The following BCKDHA variants were observed in gnomAD, a reference collection of about 807,000 sequenced individuals.
The protein encoded by BCKDHA is 2-oxoisovalerate dehydrogenase subunit alpha, mitochondrial.
In BCKDHA, 43 loss-of-function variants were observed where a neutral mutation model predicts 52.2. The ratio of observed to expected loss-of-function variants is 0.82; its 90% CI spans 0.64 to 1.06. The LOEUF (loss-of-function observed/expected upper bound fraction) is 1.06. Among genes scored for constraint, BCKDHA ranks in the 50% least tolerant of loss-of-function variants. BCKDHA has a pLI of 0.00. For missense variants in BCKDHA, 527 were observed against 621.3 expected (o/e 0.85, Z 1.61); for synonymous variants, 234 against 247.9 (o/e 0.94, Z 0.53).
intron 4 of BCKDHA, among the ~76,000 whole-genome samples, chr19:41,414,963 G>T (rs1209308110): frequency 6.6e-6 from 1 of 152,136 alleles, no homozygotes; most frequent in East Asian, 1.9e-4. Flanking sequence ...CAAGACAGCT[G>T]TTGAGGGCAG....
chr19:41,414,275 C>T (rs1372526236), intron 4 of BCKDHA, 118 bp downstream of exon 4: 1 of 1,036,790 alleles, frequency 9.6e-7, no homozygotes, highest in East Asian at 2.6e-5. Flanking sequence ...GGAAGAAGAG[C>T]TTTCCAAGCA....
chr19:41,417,872 C>T (rs2039322009), intron 4 of BCKDHA, among the ~76,000 whole-genome samples: 1 of 151,582 alleles, frequency 6.6e-6, no homozygotes, highest in African/African-American at 2.4e-5. Flanking sequence ...TTGCAGTGAG[C>T]CAAGATTGCG....
chr19:41,403,830 A>G (rs1035493541), intron 1 of BCKDHA, among the ~76,000 whole-genome samples: 22 of 152,258 alleles, frequency 1.4e-4, no homozygotes, highest in African/African-American at 5.1e-4. Flanking sequence ...GGAAAGAGAC[A>G]GAACCAGATT....
chr19:41,401,441 A>G (rs987356129), intron 1 of BCKDHA, among the ~76,000 whole-genome samples: 1 of 152,140 alleles, frequency 6.6e-6, no homozygotes, highest in Non-Finnish European at 1.5e-5. Flanking sequence ...GAGGCTGCAT[A>G]TTGTAGACAG....
intron 3 of BCKDHA, among the ~76,000 whole-genome samples, chr19:41,413,421 G>A (rs964994266): frequency 2.0e-4 from 30 of 152,028 alleles, no homozygotes; most frequent in African/African-American, 7.0e-4. Context: ...TAGCACAGCC[G>A]ACTCAGCTTC....
chr19:41,412,171 G>C (rs1464231803), intron 3 of BCKDHA, among the ~76,000 whole-genome samples: 1 of 151,378 alleles, frequency 6.6e-6, no homozygotes, highest in Non-Finnish European at 1.5e-5. Flanking sequence ...TTCTCGCCCT[G>C]GATGTCCCAC....
intron 3 of BCKDHA, 30 bp from the exon 4 acceptor site, chr19:41,414,019 G>A: frequency 6.3e-7 from 1 of 1,579,326 alleles, no homozygotes; most frequent in Non-Finnish European, 8.7e-7. Flanking sequence ...ATAACCAATT[G>A]TGGGACCCCG....
chr19:41,422,952 A>G, intron 7 of BCKDHA, 46 bp from the exon 8 acceptor site: 1 of 1,524,706 alleles, frequency 6.6e-7, no homozygotes. Context: ...CCTGACCCCC[A>G]CTCCAGGGAG....
chr19:41,418,802 A>C, intron 4 of BCKDHA: 1 of 449,790 alleles, frequency 2.2e-6, no homozygotes, highest in Non-Finnish European at 4.4e-6. Context: ...AGCCTCTCAA[A>C]GTGCTGGGAT....
chr19:41,422,932 C>A (rs766768227), intron 7 of BCKDHA, 66 bp from the exon 8 acceptor site: 1 of 1,568,880 alleles, frequency 6.4e-7, no homozygotes, highest in Admixed American at 1.9e-5. Flanking sequence ...GTTCATCCCC[C>A]ATCCTCCCTC....
intron 1 of BCKDHA, among the ~76,000 whole-genome samples, chr19:41,405,517 G>A (rs960474805): frequency 1.3e-5 from 2 of 152,048 alleles, no homozygotes; most frequent in African/African-American, 2.4e-5. Context: ...GGGCTCAAGC[G>A]ATCCTCCCTC....
At chr19:41,405,213 A>G (rs972485415) in intron 1 of BCKDHA, among the ~76,000 whole-genome samples, 2 of 152,086 alleles carry the variant, frequency 1.3e-5, no homozygotes, top group Non-Finnish European at 2.9e-5. Flanking sequence ...CCTCATGACA[A>G]CCCCTGAGAT....
chr19:41,397,836 A>G lies in BCKDHA; in HGVS notation c.9A>G (p.Val3=). The change falls in exon 1 of 9, where the codon GTA becomes GTG. Residue 3 remains valine, a synonymous_variant. Transcript: ENST00000269980. ...AGTGGTTGTTAGCCAAGATGGCGGTAGCGATCGCTGCAGCGAGGGTCTGGC... is the reference window on the plus strand; with the variant it reads ...AGTGGTTGTTAGCCAAGATGGCGGTGGCGATCGCTGCAGCGAGGGTCTGGC... MA[V]AIAAARVWRL... 6.2e-7 allele frequency: 1 copy of G among 1,614,168 alleles called. No individual in the cohort carries two copies. Among genetic ancestry groups the G allele is most frequent in the East Asian group, 2.2e-5 (1 of 44,874 alleles).
At chr19:41,418,095 A>C (rs1170984656) in intron 4 of BCKDHA, among the ~76,000 whole-genome samples, 1 of 30,362 alleles carries the variant, frequency 3.3e-5, no homozygotes, top group African/African-American at 1.9e-4. Flanking sequence ...CTGTCTCAAA[A>C]AAAAAAAAAA....
intron 2 of BCKDHA, 37 bp downstream of exon 2, chr19:41,410,853 C>A: frequency 6.2e-7 from 1 of 1,613,470 alleles, no homozygotes; most frequent in Non-Finnish European, 8.5e-7. Flanking sequence ...GTGCCCCCCA[C>A]GCCCAGGCCC....
chr19:41,410,617 T>A lies in BCKDHA; in HGVS notation c.109-20T>A. The A allele has an allele frequency of 6.2e-7, 1 of 1,613,998 alleles. No homozygotes were observed. Among genetic ancestry groups the A allele is most frequent in the Non-Finnish European group, 8.5e-7 (1 of 1,179,936 alleles). ...GGTGCTGCTTCTGATGCAGGTGGTC[T>A]CCTCTGCTCTCTTCCCCAGCACCCC... On this transcript the variant is annotated intron_variant, in intron 1 of 8. Coordinates refer to ENST00000269980, the MANE Select transcript of BCKDHA (RefSeq NM_000709.4).
chr19:41,416,746 C>T (rs985295444), intron 4 of BCKDHA, among the ~76,000 whole-genome samples: 1 of 151,972 alleles, frequency 6.6e-6, no homozygotes. Context: ...ATGGCGAGAC[C>T]CCCATCTCTA....
At chr19:41,421,710 T>C (rs2122141551) in intron 5 of BCKDHA, among the ~76,000 whole-genome samples, 1 of 152,002 alleles carries the variant, frequency 6.6e-6, no homozygotes, top group East Asian at 1.9e-4. Context: ...ACAGGAGCCG[T>C]GGGTGGGGAG....
chr19:41,421,456 G>GA (rs1310157650), intron 5 of BCKDHA, among the ~76,000 whole-genome samples: 3 of 82,514 alleles, frequency 3.6e-5, no homozygotes, highest in African/African-American at 7.7e-5. Flanking sequence ...CAGAGGATGT[G>GA]AGGGGGGAGC....
Sources: allele counts gnomAD v4.1 joint callset (sites outside exome capture counted in the v4.1 genomes callset), GRCh38; gene constraint gnomAD v4.1.1; transcripts MANE v1.5; gene names NCBI Gene and HGNC (gene_info 2026-07-23, HGNC 2026-07-21).